CACFD1: variants seen among roughly 807,000 people sequenced by gnomAD.
The protein encoded by CACFD1 is calcium channel flower homolog.
A neutral mutation model predicts 21.3 loss-of-function variants in CACFD1; 26 were observed. That is an observed-to-expected ratio of 1.22 (90% CI 0.89 to 1.69). The LOEUF (loss-of-function observed/expected upper bound fraction) is 1.69, where lower values mean the gene tolerates loss of function less well. Ranked by LOEUF, CACFD1 falls within the 40% of genes most tolerant of loss-of-function variation. CACFD1 has a pLI of 0.00. For missense variants in CACFD1, 265 were observed against 236.2 expected (o/e 1.12, Z -0.80); for synonymous variants, 121 against 106.6 (o/e 1.13, Z -0.83).
rs3094379 is a variant in CACFD1, at chr9:133,469,788, T to C, written c.*1135T>C. On this transcript the variant is annotated 3_prime_UTR_variant, in exon 5 of 5. Transcript: ENST00000316948. ...CGGGCCTGGCTTAGCCCAGGTGGGG[T>C]TTGGCAGAAGCGGGCGGGTGTGGAA... 121,695 of 152,342 alleles carry C rather than the reference T, an allele frequency of 0.8. 49,215 individuals are homozygous for C. The highest frequency in any genetic ancestry group is 0.92 in the East Asian group (4,748 of 5,180). 9.4% of individuals were successfully genotyped at this position (152,342 alleles called of 1,614,324 possible).
rs782725242 is a variant in CACFD1 at position 133,469,956 on chromosome 9, G to GGGAGTGGCATCTGAGGCCA, written c.*1313_*1331dup. ...GAGGCTGGGAGTGGCATCTGAGGCCGGGAGTGGCATCTGAGGCCAGGAGTG... is the reference window on the plus strand; with the variant it reads ...GAGGCTGGGAGTGGCATCTGAGGCCGGGAGTGGCATCTGAGGCCAGGAGTGGCATCTGAGGCCAGGAGTG... On this transcript the variant is annotated 3_prime_UTR_variant, in exon 5 of 5. Transcript: ENST00000316948. The GGGAGTGGCATCTGAGGCCA allele has an allele frequency of 1.7e-5, 2 of 116,322 alleles. No homozygotes were observed. Among genetic ancestry groups the GGGAGTGGCATCTGAGGCCA allele is most frequent in the Non-Finnish European group, 2.1e-5 (1 of 47,690 alleles). 7.2% of individuals were successfully genotyped at this position (116,322 alleles called of 1,614,324 possible).
At chr9:133,460,387 T>C (rs1843105615) in intron 1 of CACFD1, among the ~76,000 whole-genome samples, 200 bp downstream of exon 1, 1 of 125,468 alleles carries the variant, frequency 8.0e-6, no homozygotes, top group African/African-American at 2.6e-5. Context: ...CGCTCGGGCC[T>C]GGGCGCCTTG....
In CACFD1 at chr9:133,468,243, C is replaced by T. The variant is rs918222121; in HGVS notation, c.428+215C>T. On this transcript the variant is annotated intron_variant, in intron 4 of 4. Transcript: ENST00000316948. ...TGGCCCAGTCTTGCCCCGTCACGGC[C>T]TGCAGCAAGGATAGCAAAAACATGG... is the stretch of plus-strand genomic sequence containing the variant. 1.8e-5 allele frequency: 25 copies of T among 1,411,454 alleles called. No individual in the cohort carries two copies. In the Admixed American group the frequency reaches 5.7e-4, roughly 32 times the overall value. 87.4% of individuals were successfully genotyped at this position (1,411,454 alleles called of 1,614,324 possible).
rs1554799420 is a variant in CACFD1, at chr9:133,465,694, T to G, written c.320+247T>G. 2.0e-6 allele frequency: 1 copy of G among 498,518 alleles called. No homozygotes were observed. Among genetic ancestry groups the G allele is most frequent in the East Asian group, 3.8e-5 (1 of 26,612 alleles). The allele number at this position is 498,518 out of a possible 1,614,324, so 30.9% of individuals were successfully genotyped here. The stretch of plus-strand genomic sequence containing the variant: ...GAAGGTTCAGAGGTATATGAGCATG[T>G]GTGGCAGCATCCGTGCAGTGGAGAG... On this transcript the variant is annotated intron_variant, in intron 3 of 4. Transcript: ENST00000316948. This position sits in a 1 kb window ranked among gnomAD's most constrained non-coding sequence, Gnocchi z 5.0.
intron 1 of CACFD1, among the ~76,000 whole-genome samples, chr9:133,462,793 A>G (rs932776436): frequency 2.6e-5 from 4 of 152,214 alleles, no homozygotes; most frequent in Admixed American, 2.6e-4. Flanking sequence ...TCTGGGGTGG[A>G]AAACGATGCC....
In CACFD1 at chr9:133,469,181, C is replaced by T. The variant is rs1843572057; in HGVS notation, c.*528C>T. On this transcript the variant is annotated 3_prime_UTR_variant, in exon 5 of 5. Coordinates refer to ENST00000316948, the MANE Select transcript of CACFD1 (RefSeq NM_017586.5). ...CCTTCTGAAGAAGCCCACAGGGCTCCTAAGGTGCACCCCGGTACCTGGAAC... is the reference window on the plus strand; with the variant it reads ...CCTTCTGAAGAAGCCCACAGGGCTCTTAAGGTGCACCCCGGTACCTGGAAC... The T allele has an allele frequency of 6.4e-6, 1 of 156,030 alleles. No homozygotes were observed. The highest frequency in any genetic ancestry group is 1.4e-5 in the Non-Finnish European group (1 of 70,708). 9.7% of individuals were successfully genotyped at this position (156,030 alleles called of 1,614,324 possible). A position where few individuals can be genotyped will look rare whatever the true frequency, so the allele number is the denominator to read the frequency against.
At chr9:133,460,299 G>A (rs903765094) in intron 1 of CACFD1, 112 bp downstream of exon 1, 21 of 1,015,564 alleles carry the variant, frequency 2.1e-5, no homozygotes, top group Non-Finnish European at 2.5e-5. Flanking sequence ...TGGGGGTCGG[G>A]GGTCTGCCGG....
intron 1 of CACFD1, among the ~76,000 whole-genome samples, chr9:133,462,374 T>A (rs1554798730): frequency 6.6e-6 from 1 of 152,094 alleles, no homozygotes; most frequent in African/African-American, 2.4e-5. Context: ...AACGCTTGAG[T>A]CCTTTGTTTT....
chr9:133,464,024 G>A (rs1409726969), intron 2 of CACFD1, among the ~76,000 whole-genome samples: 1 of 152,240 alleles, frequency 6.6e-6, no homozygotes, highest in African/African-American at 2.4e-5. Context: ...AGATAGATGG[G>A]AGAGGCGGGT....
chr9:133,465,732 G>A lies in CACFD1; in HGVS notation c.320+285G>A, dbSNP rs782232757. Reference sequence around the variant, plus strand: ...GTGCAGTGGAGAGAAAGTGGGAAGCGTCTGGAATTTTGGTCCGTCCACTGG... The same window carrying A: ...GTGCAGTGGAGAGAAAGTGGGAAGCATCTGGAATTTTGGTCCGTCCACTGG... On this transcript the variant is annotated intron_variant, in intron 3 of 4. Coordinates refer to ENST00000316948, the MANE Select transcript of CACFD1 (RefSeq NM_017586.5). The surrounding 1 kb of genome is among the most constrained non-coding windows in gnomAD (Gnocchi z 5.0). The A allele has an allele frequency of 1.0e-4, 37 of 360,326 alleles. No individual in the cohort carries two copies. Among genetic ancestry groups the A allele is most frequent in the Middle Eastern group, 7.5e-4 (1 of 1,338 alleles). The allele number at this position is 360,326 out of a possible 1,614,324, so 22.3% of individuals were successfully genotyped here.
intron 3 of CACFD1, among the ~76,000 whole-genome samples, chr9:133,467,553 G>A (rs28552957): frequency 0.26 from 38,984 of 152,160 alleles, 6,180 homozygotes; most frequent in South Asian, 0.36. Context: ...TGGAGATTCC[G>A]AGTAACTTGC....
intron 1 of CACFD1, among the ~76,000 whole-genome samples, chr9:133,460,440 C>A (rs1224123798): frequency 2.6e-5 from 3 of 114,890 alleles, no homozygotes; most frequent in Non-Finnish European, 3.9e-5. Context: ...GGAACATTCC[C>A]GGAGGGACCA....
intron 1 of CACFD1, chr9:133,462,332 C>G (rs1843254853): frequency 7.8e-7 from 1 of 1,281,640 alleles, no homozygotes; most frequent in African/African-American, 1.5e-5. Flanking sequence ...TGTCTGAAGG[C>G]AGATGTCTAA....
At chr9:133,462,500 T>G (rs1843263146) in intron 1 of CACFD1, among the ~76,000 whole-genome samples, 1 of 152,220 alleles carries the variant, frequency 6.6e-6, no homozygotes, top group South Asian at 2.1e-4. Context: ...ACAGCAGAAT[T>G]CCAGACCCAG....
intron 1 of CACFD1, among the ~76,000 whole-genome samples, chr9:133,461,301 T>G (rs1431061106): frequency 6.6e-6 from 1 of 152,174 alleles, no homozygotes; most frequent in Non-Finnish European, 1.5e-5. Flanking sequence ...GCTAGGAGTG[T>G]GCTGCCCTCG....
intron 1 of CACFD1, chr9:133,462,009 G>T (rs1843237301): frequency 1.0e-6 from 1 of 985,372 alleles, no homozygotes; most frequent in South Asian, 4.7e-5. Context: ...ATTGCATGGT[G>T]ACAGCCCCCT....
chr9:133,460,271 C>A, intron 1 of CACFD1, 84 bp downstream of exon 1: 5 of 1,301,750 alleles, frequency 3.8e-6, no homozygotes, highest in Non-Finnish European at 5.0e-6. Context: ...CCCGGCGGCC[C>A]CAGGGGAAAG....
At chr9:133,461,956 G>C in intron 1 of CACFD1, 2 of 985,380 alleles carry the variant, frequency 2.0e-6, no homozygotes, top group Non-Finnish European at 2.4e-6. Flanking sequence ...GTCTACCCTG[G>C]GTCCTAAGAG....
chr9:133,463,588 T>C (rs782157371), intron 2 of CACFD1, 33 bp downstream of exon 2: 6 of 1,610,884 alleles, frequency 3.7e-6, no homozygotes, highest in Middle Eastern at 1.7e-4. Flanking sequence ...ACCCCGGGGG[T>C]CTTGCTGGTC....
Sources: allele counts gnomAD v4.1 joint callset (sites outside exome capture counted in the v4.1 genomes callset), GRCh38; gene constraint gnomAD v4.1.1; non-coding constraint Gnocchi (gnomAD v3.1); transcripts MANE v1.5; gene names NCBI Gene and HGNC (gene_info 2026-07-23, HGNC 2026-07-21).